The following EHD4 variants were observed in gnomAD, a reference collection of about 807,000 sequenced individuals.
EHD4 encodes the protein EH domain containing 4, also known as EH domain-containing protein 4.
Under a neutral mutation model 51.0 loss-of-function variants are expected in EHD4, and 37 were observed. The ratio of observed to expected loss-of-function variants is 0.73; its 90% CI spans 0.56 to 0.95. The LOEUF (loss-of-function observed/expected upper bound fraction) is 0.95, where lower values mean the gene tolerates loss of function less well. Ranked by LOEUF, EHD4 falls within the 40% of genes least tolerant of loss-of-function variation. EHD4 has a pLI of 0.00. For missense variants in EHD4, 632 were observed against 733.1 expected, an observed-to-expected ratio of 0.86 and a Z score of 1.59; for synonymous variants, 297 against 317.3, an observed-to-expected ratio of 0.94 and a Z score of 0.68.
intron 2 of EHD4, among the ~76,000 whole-genome samples, chr15:41,953,261 T>G (rs2067864971): frequency 6.6e-6 from 1 of 152,156 alleles, no homozygotes; most frequent in East Asian, 1.9e-4. Context: ...GGTGTCTGTC[T>G]AACCAGTGCT....
intron 5 of EHD4, among the ~76,000 whole-genome samples, chr15:41,909,426 C>G (rs566080348): frequency 6.6e-6 from 1 of 152,356 alleles, no homozygotes; most frequent in African/African-American, 2.4e-5. Context: ...CAACATCAAC[C>G]AGCCTCCTTG....
intron 2 of EHD4, among the ~76,000 whole-genome samples, chr15:41,952,639 A>G (rs896625423): frequency 6.6e-6 from 1 of 152,044 alleles, no homozygotes; most frequent in Admixed American, 6.6e-5. Context: ...TACAAATAAA[A>G]CACATCTCCA....
Position 41,900,961 on chromosome 15 carries a change from G to C in EHD4, c.1310C>G (p.Ala437Gly), listed in dbSNP as rs1258534895. 1 of 1,612,656 alleles carries C rather than the reference G, an allele frequency of 6.2e-7. No homozygotes were observed. Among genetic ancestry groups the C allele is most frequent in the South Asian group, 1.1e-5 (1 of 91,040 alleles). Reference protein sequence around the residue: ...QGYGEGAKEGADEEEWVVAKD... With the variant: ...QGYGEGAKEGGDEEEWVVAKD... ...GGCCACGACCCACTCCTCCTCGTCG[G>C]CGCCCTCCTTGGCACCCTCCCCGTA... Residue 437 changes from alanine (A) to glycine (G), a missense_variant, in exon 6 of 6, where the codon GCC becomes GGC. By Grantham distance (60) the Ala-to-Gly change is moderately conservative. Coordinates refer to ENST00000220325, the MANE Select transcript of EHD4 (RefSeq NM_139265.4). This position sits in a 1 kb window ranked among gnomAD's most constrained non-coding sequence, Gnocchi z 4.8.
chr15:41,903,389 C>T lies in EHD4; in HGVS notation c.1090-2208G>A, dbSNP rs566350736. ...CTAAAAATTTAAAATAATTTATAATCTCATCATCTGGCAAAAACCTCTGCT... is the reference window on the plus strand; with the variant it reads ...CTAAAAATTTAAAATAATTTATAATTTCATCATCTGGCAAAAACCTCTGCT... On this transcript the variant is annotated intron_variant, in intron 5 of 5. Coordinates refer to ENST00000220325, the MANE Select transcript of EHD4 (RefSeq NM_139265.4). Among the ~76,000 whole-genome samples the T allele has an allele frequency of 8.1e-4, 121 of 148,718 alleles. 1 individual carries two copies. Among genetic ancestry groups the T allele is most frequent in the African/African-American group, 2.5e-3 (102 of 40,546 alleles).
chr15:41,965,018 C>T (rs1311893511), intron 1 of EHD4, among the ~76,000 whole-genome samples: 6 of 151,992 alleles, frequency 3.9e-5, no homozygotes, highest in African/African-American at 1.5e-4. Context: ...GTGATTTGTC[C>T]ACCTTGGCCT....
intron 1 of EHD4, among the ~76,000 whole-genome samples, chr15:41,960,113 C>A (rs2141007978): frequency 6.6e-6 from 1 of 152,272 alleles, no homozygotes; most frequent in East Asian, 1.9e-4. Context: ...AACAGTATGA[C>A]CTGCACTATC....
intron 5 of EHD4, among the ~76,000 whole-genome samples, chr15:41,909,387 C>T (rs2067533978): frequency 6.6e-6 from 1 of 152,244 alleles, no homozygotes; most frequent in South Asian, 2.1e-4. Flanking sequence ...CTGTGATTCC[C>T]TCACAGTTCT....
intron 3 of EHD4, among the ~76,000 whole-genome samples, chr15:41,933,593 A>G (rs1366183983): frequency 6.6e-6 from 1 of 152,114 alleles, no homozygotes; most frequent in Non-Finnish European, 1.5e-5. Flanking sequence ...TCTTCCACCT[A>G]GAATCCTGCA....
chr15:41,939,395 T>C (rs1047966685), intron 3 of EHD4, among the ~76,000 whole-genome samples: 7 of 152,138 alleles, frequency 4.6e-5, no homozygotes, highest in African/African-American at 1.4e-4. Flanking sequence ...CTGTTGTCCC[T>C]AAAGATTTTC....
At position 41,900,248 on chromosome 15, in the gene EHD4, A is replaced by G. The variant is rs2067466701; in HGVS notation, c.*397T>C. The G allele has an allele frequency of 1.9e-5, 4 of 206,172 alleles. No individual in the cohort carries two copies. In the South Asian group the frequency reaches 6.7e-4, roughly 34 times the overall value. The allele number at this position is 206,172 out of a possible 1,614,324, so 12.8% of individuals were successfully genotyped here. A position where few individuals can be genotyped will look rare whatever the true frequency, so the allele number is the denominator to read the frequency against. ...TCTGAGGGACAGACAGCTGCTCCAG[A>G]GTTGTTCATGAGGACAAAAAGCCCA... On this transcript the variant is annotated 3_prime_UTR_variant, in exon 6 of 6. Coordinates refer to ENST00000220325, the MANE Select transcript of EHD4 (RefSeq NM_139265.4). This position sits in a 1 kb window ranked among gnomAD's most constrained non-coding sequence, Gnocchi z 4.8.
chr15:41,913,727 A>G (rs1324516745), intron 4 of EHD4, among the ~76,000 whole-genome samples: 1 of 152,222 alleles, frequency 6.6e-6, no homozygotes, highest in African/African-American at 2.4e-5. Flanking sequence ...CCAAATAATT[A>G]ATAAACTCTC....
chr15:41,963,786 C>T (rs1399798966), intron 1 of EHD4, among the ~76,000 whole-genome samples: 2 of 151,952 alleles, frequency 1.3e-5, no homozygotes, highest in Non-Finnish European at 2.9e-5. Context: ...ACTGGAAAAA[C>T]ACTTTTACAA....
chr15:41,940,422 G>A (rs887999155), intron 3 of EHD4, among the ~76,000 whole-genome samples: 2 of 152,220 alleles, frequency 1.3e-5, no homozygotes, highest in South Asian at 2.1e-4. Flanking sequence ...GTTTGCAATC[G>A]TTTGAGCTGA....
intron 5 of EHD4, chr15:41,908,178 T>A (rs1036329776): frequency 6.6e-6 from 1 of 152,156 alleles, no homozygotes; most frequent in Non-Finnish European, 1.5e-5. Flanking sequence ...CTGAATATAT[T>A]TTAAAATAAA....
At chr15:41,942,638 A>G (rs971615704) in intron 3 of EHD4, 1 of 161,350 alleles carries the variant, frequency 6.2e-6, no homozygotes, top group Non-Finnish European at 1.4e-5. Context: ...GCTTCGGCAC[A>G]AGCATTTTCT....
intron 2 of EHD4, among the ~76,000 whole-genome samples, chr15:41,950,308 T>G (rs190927747): frequency 1.0e-3 from 159 of 152,324 alleles, no homozygotes; most frequent in African/African-American, 3.6e-3. Flanking sequence ...CTTTTAAAGA[T>G]GCCCCTGGGG....
chr15:41,945,951 T>C (rs1474980123), intron 2 of EHD4, among the ~76,000 whole-genome samples: 2 of 152,144 alleles, frequency 1.3e-5, no homozygotes, highest in African/African-American at 2.4e-5. Flanking sequence ...CTGCGCCCAG[T>C]CTCCTCCTTT....
At position 41,900,646 on chromosome 15, in the gene EHD4, C is replaced by T; in HGVS notation, c.1625G>A (p.Ter542=). The change falls in exon 6 of 6, where the codon TGA becomes TAA. Residue 542 remains the stop codon, a stop_retained_variant. Transcript: ENST00000220325. The surrounding 1 kb of genome is among the most constrained non-coding windows in gnomAD (Gnocchi z 4.8). ...SHRKSLPKAD[*] ...CCACCCCGTTCTGCAGCCCACCCCT[C>T]AGTCGGCCTTGGGCAGGGACTTCCT... is the stretch of plus-strand genomic sequence containing the variant. 1 of 1,585,690 alleles carries T rather than the reference C, an allele frequency of 6.3e-7. No individual in the cohort carries two copies. The highest frequency in any genetic ancestry group is 8.5e-7 in the Non-Finnish European group (1 of 1,169,976).
At chr15:41,956,215 G>T (rs1369879434) in intron 1 of EHD4, among the ~76,000 whole-genome samples, 3 of 152,246 alleles carry the variant, frequency 2.0e-5, no homozygotes, top group African/African-American at 7.2e-5. Flanking sequence ...AACCAGACGA[G>T]AACTGCAGCG....
Sources: gnomAD v4.1 joint callset for allele counts (sites outside exome capture counted in the v4.1 genomes callset) on GRCh38, gnomAD v4.1.1 for gene constraint, Gnocchi (gnomAD v3.1) non-coding constraint, MANE v1.5 for transcripts, NCBI Gene and HGNC (gene_info 2026-07-23, HGNC 2026-07-21) for gene names.